The following GNG2 variants were observed in gnomAD, a reference collection of about 807,000 sequenced individuals.
GNG2 encodes guanine nucleotide-binding protein G(I)/G(S)/G(O) subunit gamma-2.
Under a neutral mutation model 5.5 loss-of-function variants are expected in GNG2, and 5 were observed. That is an observed-to-expected ratio of 0.91 (90% CI 0.48 to 1.92). GNG2 has a LOEUF of 1.92. Ranked by LOEUF, GNG2 falls within the 30% of genes most tolerant of loss-of-function variation. The probability of loss-of-function intolerance (pLI) is 0.01; values close to 1 mark genes in which losing one functional copy is unlikely to be tolerated. For synonymous variants in GNG2, 28 were observed against 32.0 expected (o/e 0.88, Z 0.42); for missense variants, 55 against 88.4 (o/e 0.62, Z 1.52).
upstream of GNG2, among the ~76,000 whole-genome samples, chr14:51,856,031 G>C (rs1370605331): frequency 2.0e-5 from 3 of 152,078 alleles, no homozygotes; most frequent in East Asian, 5.8e-4. Context: ...AAATTAGCTG[G>C]GCATGGTGGG....
rs115567785 is a variant in GNG2 at position 51,837,174 on chromosome 14, G to A, written c.64+9367G>A. On this transcript the variant is annotated intron_variant, in intron 2 of 3. Coordinates refer to the GNG2 transcript ENST00000553432. ...GCACCCGGCCTGATCTCAACTTAACGTTGATGAAATAAAAATAAACTGGAA... is the reference window on the plus strand; with the variant it reads ...GCACCCGGCCTGATCTCAACTTAACATTGATGAAATAAAAATAAACTGGAA... Among the ~76,000 whole-genome samples, 583 of 151,948 alleles carry A rather than the reference G, an allele frequency of 3.8e-3. 3 individuals carry two copies. The highest frequency in any genetic ancestry group is 0.014 in the African/African-American group (568 of 41,426).
At chr14:51,847,545 G>A (rs1449875579) in intron 2 of GNG2, among the ~76,000 whole-genome samples, 1 of 150,920 alleles carries the variant, frequency 6.6e-6, no homozygotes, top group Non-Finnish European at 1.5e-5. Flanking sequence ...GGAGCTGAAG[G>A]TAGTCACATT....
chr14:51,967,497 T>C lies in GNG2; in HGVS notation c.*810T>C, dbSNP rs1003351184. On this transcript the variant is annotated 3_prime_UTR_variant, in exon 4 of 4. Coordinates refer to ENST00000556766, the MANE Select transcript of GNG2 (RefSeq NM_053064.5). ...ATGTTACATCCATTCAGAAGTTTTG[T>C]TGTTTTACTCTAAAGCTGGGAAAGG... is the stretch of plus-strand genomic sequence containing the variant. 6 of 152,130 alleles carry C rather than the reference T, an allele frequency of 3.9e-5. No homozygotes were observed. The highest frequency in any genetic ancestry group is 8.8e-5 in the Non-Finnish European group (6 of 68,016). The allele number at this position is 152,130 out of a possible 1,614,324, so 9.4% of individuals were successfully genotyped here.
intron 2 of GNG2, among the ~76,000 whole-genome samples, chr14:51,881,444 T>G (rs747036399): frequency 2.6e-4 from 40 of 152,156 alleles, no homozygotes; most frequent in Admixed American, 1.2e-3. Context: ...AGTTGCTACA[T>G]CTGGGTAAAG....
chr14:51,961,552 G>A (rs150132741), intron 3 of GNG2, among the ~76,000 whole-genome samples: 9 of 152,274 alleles, frequency 5.9e-5, no homozygotes, highest in Admixed American at 1.3e-4. Flanking sequence ...AACGATGTCC[G>A]TAATTATAAA....
chr14:51,834,062 C>CA lies in GNG2; in HGVS notation c.64+6263dup, dbSNP rs1449109673. On this transcript the variant is annotated intron_variant, in intron 2 of 3. Coordinates refer to the GNG2 transcript ENST00000553432. Reference sequence around the variant, plus strand: ...TCTCTGGACAATTTCTAGAAAAGACCAAAAAAAACAAAGGCAGACAAAATG... The same window carrying CA: ...TCTCTGGACAATTTCTAGAAAAGACCAAAAAAAAACAAAGGCAGACAAAATG... Among the ~76,000 whole-genome samples the CA allele has an allele frequency of 1.4e-4, 21 of 151,562 alleles. No homozygotes were observed. In the South Asian group the frequency reaches 1.7e-3, roughly 12 times the overall value.
chr14:51,908,205 C>T (rs912013764), intron 2 of GNG2, among the ~76,000 whole-genome samples: 58 of 152,170 alleles, frequency 3.8e-4, no homozygotes, highest in African/African-American at 1.4e-3. Flanking sequence ...TTCTCTTGGT[C>T]GGGGCCTCTC....
intron 2 of GNG2, among the ~76,000 whole-genome samples, chr14:51,882,550 ATTC>A (rs2140143310): frequency 6.6e-6 from 1 of 152,344 alleles, no homozygotes; most frequent in Admixed American, 6.5e-5. Context: ...CTAGTTGTTT[ATTC>A]TTAAGATGTG....
At chr14:51,930,851 AAGAGAGAAGAC>A (rs1887616020) in intron 2 of GNG2, among the ~76,000 whole-genome samples, 1 of 152,066 alleles carries the variant, frequency 6.6e-6, no homozygotes, top group Admixed American at 6.5e-5. Context: ...GAAAGAGGAG[AAGAGAGAAGAC>A]AGAGAGGAGG....
At chr14:51,868,826 TG>T (rs1883107723) in intron 1 of GNG2, among the ~76,000 whole-genome samples, 1 of 152,232 alleles carries the variant, frequency 6.6e-6, no homozygotes, top group African/African-American at 2.4e-5. Context: ...TTACTTGATC[TG>T]GGTTGGATTT....
chr14:51,840,514 A>G (rs1433137160), intron 2 of GNG2, among the ~76,000 whole-genome samples: 1 of 152,128 alleles, frequency 6.6e-6, no homozygotes, highest in Non-Finnish European at 1.5e-5. Flanking sequence ...CTCTGTAAAT[A>G]CCTCATTTCT....
At chr14:51,873,936 A>T (rs1257113500) in intron 1 of GNG2, 3 of 152,178 alleles carry the variant, frequency 2.0e-5, no homozygotes, top group Non-Finnish European at 4.4e-5. Context: ...GTGGGATACA[A>T]AGGAGACCAG....
At chr14:51,867,177 A>T (rs117851003) in intron 1 of GNG2, among the ~76,000 whole-genome samples, 1 of 152,282 alleles carries the variant, frequency 6.6e-6, no homozygotes, top group Non-Finnish European at 1.5e-5. Flanking sequence ...AGTGTTCTCA[A>T]GATACGAGTC....
At chr14:51,871,801 G>A (rs968675264) in intron 1 of GNG2, among the ~76,000 whole-genome samples, 5 of 152,272 alleles carry the variant, frequency 3.3e-5, no homozygotes, top group Admixed American at 6.5e-5. Context: ...TATTATTGTC[G>A]GATGTCGTTT....
Position 51,908,736 on chromosome 14 carries a change from A to ATTTTT in GNG2, c.-30+31098_-30+31102dup, listed in dbSNP as rs3030340. 8.3e-3 allele frequency among the ~76,000 whole-genome samples: 743 copies of ATTTTT among 89,842 alleles called. 58 individuals are homozygous for ATTTTT. The highest frequency in any genetic ancestry group is 0.027 in the African/African-American group (644 of 23,826). 58.9% of individuals were successfully genotyped at this position (89,842 alleles called of 152,430 possible). On this transcript the variant is annotated intron_variant, in intron 2 of 3. Transcript: ENST00000556766. The stretch of plus-strand genomic sequence containing the variant: ...AGGCGTGCGCCACCACACCCAGCTA[A>ATTTTT]TTTTTTTTTTTTTTTTTTTTTTTAG...
chr14:51,939,182 G>A (rs575166568), intron 2 of GNG2, among the ~76,000 whole-genome samples: 13 of 152,122 alleles, frequency 8.5e-5, no homozygotes, highest in Middle Eastern at 3.4e-3. Context: ...CCCACCTAGC[G>A]TCTAAGAATG....
chr14:51,902,807 G>A lies in GNG2; in HGVS notation c.-30+25150G>A, dbSNP rs118171508. ...GGAGGCTGAGGTCAGAGGATCATTT[G>A]AGTCTGGCAGGTCGAGGCTGCAGTG... is the stretch of plus-strand genomic sequence containing the variant. On this transcript the variant is annotated intron_variant, in intron 2 of 3. Coordinates refer to ENST00000556766, the MANE Select transcript of GNG2 (RefSeq NM_053064.5). Among the ~76,000 whole-genome samples the A allele has an allele frequency of 4.3e-3, 652 of 152,238 alleles. 8 individuals are homozygous for A. Among genetic ancestry groups the A allele is most frequent in the East Asian group, 0.022 (112 of 5,180 alleles).
At chr14:51,965,728 A>G (rs1889854428) in intron 3 of GNG2, among the ~76,000 whole-genome samples, 1 of 152,170 alleles carries the variant, frequency 6.6e-6, no homozygotes, top group African/African-American at 2.4e-5. Context: ...AGGGAAATTG[A>G]CATGGTTTTA....
intron 2 of GNG2, among the ~76,000 whole-genome samples, chr14:51,846,261 T>C (rs1329313574): frequency 6.6e-6 from 1 of 152,196 alleles, no homozygotes; most frequent in Non-Finnish European, 1.5e-5. Flanking sequence ...TGGAGTAATA[T>C]AGAATATTTT....
Sources: gnomAD v4.1 joint callset for allele counts (sites outside exome capture counted in the v4.1 genomes callset) on GRCh38, gnomAD v4.1.1 for gene constraint, MANE v1.5 for transcripts, NCBI Gene and HGNC (gene_info 2026-07-23, HGNC 2026-07-21) for gene names.